The following CLIC6 variants were observed in gnomAD, a reference collection of about 807,000 sequenced individuals.
The protein encoded by CLIC6 is CLIC family member 6, also known as chloride intracellular channel protein 6.
In CLIC6, 39 loss-of-function variants were observed where a neutral mutation model predicts 49.2. That is an observed-to-expected ratio of 0.79 (90% CI 0.61 to 1.04). The LOEUF is 1.04. Among genes scored for constraint, CLIC6 ranks in the 50% least tolerant of loss-of-function variants. The pLI, the probability that CLIC6 is intolerant of heterozygous loss-of-function variation, is 0.00. For missense variants in CLIC6, 988 were observed against 993.1 expected (o/e 0.99, Z 0.07); for synonymous variants, 446 against 433.4 (o/e 1.03, Z -0.36).
intron 1 of CLIC6, among the ~76,000 whole-genome samples, chr21:34,682,798 TC>T (rs1989802771): frequency 9.6e-6 from 1 of 104,072 alleles, no homozygotes; most frequent in South Asian, 3.2e-4. Context: ...CCCCTTTCCC[TC>T]CATTTTTTTT....
At chr21:34,708,566 G>C in intron 3 of CLIC6, 134 bp from the exon 4 acceptor site, 1 of 662,448 alleles carries the variant, frequency 1.5e-6, no homozygotes, top group Non-Finnish European at 2.7e-6. Context: ...CCTTTGAGAG[G>C]AAAAGGGTCA....
chr21:34,676,097 GTTT>G lies in CLIC6; in HGVS notation c.1374+5336_1374+5338del, dbSNP rs1428109687. On this transcript the variant is annotated intron_variant, in intron 1 of 5. Coordinates refer to ENST00000349499, the MANE Select transcript of CLIC6 (RefSeq NM_053277.3). Reference sequence around the variant, plus strand: ...ACATGGGGTTTCCTTTGTGTCCTTGGTTTCACACAGCCAGCCTTTGTCGGGCCG... The same window carrying G: ...ACATGGGGTTTCCTTTGTGTCCTTGGCACACAGCCAGCCTTTGTCGGGCCG... Among the ~76,000 whole-genome samples, 10 of 152,156 alleles carry G rather than the reference GTTT, an allele frequency of 6.6e-5. 1 individual carries two copies. The East Asian group carries it at 1.9e-3, about 29-fold the overall frequency.
At chr21:34,701,947 C>A (rs1297528780) in intron 1 of CLIC6, among the ~76,000 whole-genome samples, 2 of 151,786 alleles carry the variant, frequency 1.3e-5, no homozygotes, top group Non-Finnish European at 2.9e-5. Flanking sequence ...CTCCTCCTCC[C>A]GTAGATGTGA....
At chr21:34,711,524 C>CAAAT (rs1568972234) in intron 5 of CLIC6, among the ~76,000 whole-genome samples, 2 of 130,710 alleles carry the variant, frequency 1.5e-5, no homozygotes, top group Non-Finnish European at 3.3e-5. Context: ...GTCAAATAAA[C>CAAAT]AAACAAATAA....
chr21:34,693,963 TG>T, intron 1 of CLIC6, among the ~76,000 whole-genome samples: 4 of 148,710 alleles, frequency 2.7e-5, no homozygotes, highest in Non-Finnish European at 5.9e-5. Flanking sequence ...TTGTTGTTGT[TG>T]TTGTTGTTTT....
intron 1 of CLIC6, among the ~76,000 whole-genome samples, chr21:34,671,198 A>C (rs1386469745): frequency 6.6e-6 from 1 of 151,976 alleles, no homozygotes; most frequent in Non-Finnish European, 1.5e-5. Flanking sequence ...ATTTCTGCCA[A>C]AGGAAGCTTT....
intron 1 of CLIC6, among the ~76,000 whole-genome samples, chr21:34,693,348 C>A (rs1990030762): frequency 2.0e-5 from 3 of 152,154 alleles, no homozygotes; most frequent in African/African-American, 7.2e-5. Context: ...TAACTTGTAG[C>A]ATTTTCCCAC....
At chr21:34,683,883 A>G (rs1326097007) in intron 1 of CLIC6, among the ~76,000 whole-genome samples, 1 of 152,226 alleles carries the variant, frequency 6.6e-6, no homozygotes, top group Non-Finnish European at 1.5e-5. Context: ...AAAGTGGACT[A>G]ATACAGAGGG....
At chr21:34,685,691 CTAT>C (rs1289455648) in intron 1 of CLIC6, among the ~76,000 whole-genome samples, 1 of 152,170 alleles carries the variant, frequency 6.6e-6, no homozygotes, top group Non-Finnish European at 1.5e-5. Context: ...AAACACAGAG[CTAT>C]TAACACATCA....
chr21:34,678,939 G>A (rs2834575), intron 1 of CLIC6, among the ~76,000 whole-genome samples: 39,989 of 152,072 alleles, frequency 0.26, 5,831 homozygotes, highest in African/African-American at 0.39. Context: ...TTCTATGCAA[G>A]TTCAAACATA....
At chr21:34,688,833 T>C (rs1178436943) in intron 1 of CLIC6, among the ~76,000 whole-genome samples, 1 of 152,176 alleles carries the variant, frequency 6.6e-6, no homozygotes, top group Non-Finnish European at 1.5e-5. Context: ...TGAGCTGAAG[T>C]AGCAAATTCT....
At chr21:34,696,932 T>C (rs973963850) in intron 1 of CLIC6, among the ~76,000 whole-genome samples, 1 of 152,056 alleles carries the variant, frequency 6.6e-6, no homozygotes, top group African/African-American at 2.4e-5. Flanking sequence ...ATCTCTAAAT[T>C]CCTGGGACGC....
chr21:34,698,200 G>A (rs552502631), intron 1 of CLIC6, among the ~76,000 whole-genome samples: 51 of 152,322 alleles, frequency 3.3e-4, no homozygotes, highest in Middle Eastern at 3.4e-3. Context: ...GGTACCTTCC[G>A]TGGTCCTGGC....
intron 3 of CLIC6, 73 bp from the exon 4 acceptor site, chr21:34,708,627 T>A (rs2056033241): frequency 2.0e-6 from 2 of 1,025,582 alleles, no homozygotes; most frequent in East Asian, 5.0e-5. Context: ...GAAAGCTGTT[T>A]TTCTCCATTG....
intron 1 of CLIC6, among the ~76,000 whole-genome samples, chr21:34,691,820 T>C (rs1360108372): frequency 6.6e-6 from 1 of 152,238 alleles, no homozygotes; most frequent in Non-Finnish European, 1.5e-5. Context: ...CAGGAGAAAC[T>C]GATGATGTAA....
intron 1 of CLIC6, among the ~76,000 whole-genome samples, chr21:34,685,910 G>T (rs190829908): frequency 1.9e-3 from 292 of 152,216 alleles, no homozygotes; most frequent in African/African-American, 6.7e-3. Context: ...CACTACTAAG[G>T]TTTTCTTAAC....
chr21:34,669,490 G>C lies in CLIC6; in HGVS notation c.102G>C (p.Ala34=). The change falls in exon 1 of 6, where the codon GCG becomes GCC. Residue 34 remains alanine (A), a synonymous_variant. Coordinates refer to ENST00000349499, the MANE Select transcript of CLIC6 (RefSeq NM_053277.3). ...LAERPGEPGA[A]GGEAEGPEGS... ...AGAGACCCGGAGAGCCAGGAGCCGCGGGCGGGGAGGCAGAAGGGCCGGAGG... is the reference window on the plus strand; with the variant it reads ...AGAGACCCGGAGAGCCAGGAGCCGCCGGCGGGGAGGCAGAAGGGCCGGAGG... The C allele has an allele frequency of 3.2e-6, 4 of 1,235,102 alleles. No individual in the cohort carries two copies. The highest frequency in any genetic ancestry group is 3.2e-5 in the East Asian group (1 of 31,660). 76.5% of individuals were successfully genotyped at this position (1,235,102 alleles called of 1,614,324 possible). A position where few individuals can be genotyped will look rare whatever the true frequency, so the allele number is the denominator to read the frequency against.
chr21:34,694,453 C>T (rs952413003), intron 1 of CLIC6, among the ~76,000 whole-genome samples: 3 of 152,098 alleles, frequency 2.0e-5, no homozygotes, highest in African/African-American at 7.2e-5. Context: ...ACCACAAGTG[C>T]ATGCCACCAT....
In CLIC6 at chr21:34,707,971, T is replaced by A; in HGVS notation, c.1512T>A (p.Ala504=). The change falls in exon 3 of 6, where the codon GCT becomes GCA. Residue 504 remains alanine (A), a synonymous_variant. Transcript: ENST00000349499. ...AACCCGCAGACCTGCAGAACCTGGC[T>A]CCCGGAACAAACCCTCCTTTCATGA... ...KRKPADLQNL[A]PGTNPPFMTF... 4 of 1,614,112 alleles carry A rather than the reference T, an allele frequency of 2.5e-6. No homozygotes were observed. The highest frequency in any genetic ancestry group is 3.4e-6 in the Non-Finnish European group (4 of 1,180,022).
Sources: gnomAD v4.1 joint callset for allele counts (sites outside exome capture counted in the v4.1 genomes callset) on GRCh38, gnomAD v4.1.1 for gene constraint, MANE v1.5 for transcripts, NCBI Gene and HGNC (gene_info 2026-07-23, HGNC 2026-07-21) for gene names.